RAPGEF2: variants seen among roughly 807,000 people sequenced by gnomAD.
RAPGEF2 encodes the protein Rap guanine nucleotide exchange factor 2, also known as PDZ domain containing guanine nucleotide exchange factor (GEF) 1.
RAPGEF2 carries 54 observed loss-of-function variants against 186.7 expected under a neutral mutation model. The ratio of observed to expected loss-of-function variants is 0.29; its 90% CI spans 0.23 to 0.36. RAPGEF2 has a LOEUF of 0.36. Among genes scored for constraint, RAPGEF2 ranks in the 10% least tolerant of loss-of-function variants. The probability of loss-of-function intolerance (pLI) is 1.00; values close to 1 mark genes in which losing one functional copy is unlikely to be tolerated. For missense variants in RAPGEF2, 1,532 were observed against 2,045.0 expected (o/e 0.75, Z 4.84); for synonymous variants, 712 against 705.9 (o/e 1.01, Z -0.14).
In RAPGEF2 at chr4:159,353,858, C is replaced by T. The variant is rs751133937; in HGVS notation, c.4463C>T (p.Ala1488Val). 19 of 1,614,028 alleles carry T rather than the reference C, an allele frequency of 1.2e-5. No individual in the cohort carries two copies. The African/African-American group carries it at 1.7e-4, about 15-fold the overall frequency. ...LEQAQSRASW[A>V]SSTGYWGEDS... ...CAAGCCCAGTCCCGAGCAAGCTGGG[C>T]GTCTTCCACAGGTTACTGGGGAGAA... Residue 1488 changes from alanine to valine, a missense_variant, in exon 28 of 30, where the codon GCG (alanine) becomes GTG (valine). By Grantham distance (64) the Ala-to-Val change is moderately conservative (BLOSUM62 0). Around this residue, in one of 4 missense-constraint regions of RAPGEF2, gnomAD observed 594 missense variants for 608.5 expected, o/e 0.98. Coordinates refer to ENST00000691494, the MANE Select transcript of RAPGEF2 (RefSeq NM_001394067.2). The surrounding 1 kb of genome is among the most constrained non-coding windows in gnomAD (Gnocchi z 4.3).
At chr4:159,211,428 AC>A (rs139078381) in intron 4 of RAPGEF2, among the ~76,000 whole-genome samples, 7,733 of 152,302 alleles carry the variant, frequency 0.051, 664 homozygotes, top group African/African-American at 0.18. Context: ...ATTTTAAATT[AC>A]TAAATAAATA....
intron 1 of RAPGEF2, among the ~76,000 whole-genome samples, chr4:159,179,694 G>A (rs890053015): frequency 4.6e-5 from 7 of 152,294 alleles, no homozygotes; most frequent in African/African-American, 1.7e-4. Flanking sequence ...TGTGTGAGAA[G>A]TGAAGGAGGA....
intron 1 of RAPGEF2, among the ~76,000 whole-genome samples, chr4:159,161,847 G>A (rs928139355): frequency 6.6e-6 from 1 of 152,212 alleles, no homozygotes; most frequent in Non-Finnish European, 1.5e-5. Flanking sequence ...ACCAAGGATG[G>A]TGATACCTTT....
chr4:159,301,257 T>A (rs1265808064), intron 7 of RAPGEF2, among the ~76,000 whole-genome samples: 1 of 151,914 alleles, frequency 6.6e-6, no homozygotes, highest in Non-Finnish European at 1.5e-5. Context: ...TAATCCCAGC[T>A]CTTTGGGAGG....
chr4:159,252,734 A>G (rs1755612574), intron 7 of RAPGEF2, among the ~76,000 whole-genome samples: 1 of 152,244 alleles, frequency 6.6e-6, no homozygotes, highest in African/African-American at 2.4e-5. Context: ...ATTCTTTCAC[A>G]TCAGCTAAGA....
chr4:159,326,098 CT>C (rs1298453293), intron 11 of RAPGEF2, among the ~76,000 whole-genome samples: 2 of 152,164 alleles, frequency 1.3e-5, no homozygotes, highest in Non-Finnish European at 2.9e-5. Flanking sequence ...CTTCCATTGA[CT>C]CATCTGCTTA....
At chr4:159,182,730 T>A (rs1376589943) in intron 1 of RAPGEF2, among the ~76,000 whole-genome samples, 1 of 152,178 alleles carries the variant, frequency 6.6e-6, no homozygotes, top group African/African-American at 2.4e-5. Context: ...TAATTCCTTA[T>A]CTAGTTATTC....
At chr4:159,109,132 A>G (rs1485233855) in intron 1 of RAPGEF2, among the ~76,000 whole-genome samples, 1 of 152,104 alleles carries the variant, frequency 6.6e-6, no homozygotes, top group African/African-American at 2.4e-5. Flanking sequence ...AAAAACTCTG[A>G]TTTTGCTTGA....
At chr4:159,250,922 G>A (rs1199370478) in intron 7 of RAPGEF2, among the ~76,000 whole-genome samples, 2 of 152,194 alleles carry the variant, frequency 1.3e-5, no homozygotes, top group Non-Finnish European at 2.9e-5. Flanking sequence ...GAGGTGTGGA[G>A]GGAGATGCGC....
chr4:159,141,481 G>GTGAAT (rs1217884134), intron 1 of RAPGEF2, among the ~76,000 whole-genome samples: 3 of 152,080 alleles, frequency 2.0e-5, no homozygotes, highest in Admixed American at 6.6e-5. Context: ...TAGTGCTGTG[G>GTGAAT]TGAATATCAT....
At chr4:159,236,541 G>A (rs1287900532) in intron 4 of RAPGEF2, among the ~76,000 whole-genome samples, 4 of 152,108 alleles carry the variant, frequency 2.6e-5, no homozygotes, top group African/African-American at 7.2e-5. Context: ...TTTGTATCAA[G>A]TATTATATGA....
At chr4:159,318,057 T>A (rs991321266) in intron 9 of RAPGEF2, among the ~76,000 whole-genome samples, 4 of 145,436 alleles carry the variant, frequency 2.8e-5, no homozygotes, top group Admixed American at 6.9e-5. Context: ...AAGCCATCTT[T>A]AAAAAAAAAA....
chr4:159,336,180 T>A (rs1213961517), intron 17 of RAPGEF2, among the ~76,000 whole-genome samples: 49 of 151,998 alleles, frequency 3.2e-4, no homozygotes, highest in Non-Finnish European at 4.4e-5. Flanking sequence ...AATTTTTATT[T>A]CAGTAGCTTT....
chr4:159,119,840 A>G (rs1014300741), intron 1 of RAPGEF2, among the ~76,000 whole-genome samples: 1 of 152,210 alleles, frequency 6.6e-6, no homozygotes. Context: ...GGCATATGAT[A>G]TTTTCTAAAT....
Position 159,112,350 on chromosome 4 carries a change from A to G in RAPGEF2, c.69+8119A>G, listed in dbSNP as rs1579211756. Among the ~76,000 whole-genome samples the G allele has an allele frequency of 2.6e-5, 4 of 152,206 alleles. No individual in the cohort carries two copies. The South Asian group carries it at 8.3e-4, about 32-fold the overall frequency. On this transcript the variant is annotated intron_variant, in intron 1 of 29. Transcript: ENST00000691494. Reference sequence around the variant, plus strand: ...GTTGTGATAGCATACCACATTTGGGAGATTTTGATATATGTATTTCCTTTT... The same window carrying G: ...GTTGTGATAGCATACCACATTTGGGGGATTTTGATATATGTATTTCCTTTT...
At chr4:159,296,049 T>TA (rs144706120) in intron 7 of RAPGEF2, among the ~76,000 whole-genome samples, 14,131 of 152,184 alleles carry the variant, frequency 0.093, 2,175 homozygotes, top group African/African-American at 0.32. Context: ...TACATAGATT[T>TA]AATAACGAGG....
chr4:159,122,922 G>A (rs978143195), intron 1 of RAPGEF2, among the ~76,000 whole-genome samples: 6 of 152,184 alleles, frequency 3.9e-5, no homozygotes, highest in Admixed American at 2.0e-4. Context: ...TGCAACTGCA[G>A]TTACCCAAAA....
intron 7 of RAPGEF2, among the ~76,000 whole-genome samples, chr4:159,299,960 G>A (rs1019085365): frequency 2.0e-5 from 3 of 151,590 alleles, no homozygotes; most frequent in Non-Finnish European, 4.4e-5. Context: ...CTTATATAAA[G>A]TATTACTTCC....
intron 1 of RAPGEF2, among the ~76,000 whole-genome samples, chr4:159,131,097 T>A (rs866718579): frequency 6.8e-6 from 1 of 148,116 alleles, no homozygotes; most frequent in African/African-American, 2.5e-5. Flanking sequence ...TGTGTGTGTG[T>A]GAGAGAGAGA....
Sources: gnomAD v4.1 joint callset for allele counts (sites outside exome capture counted in the v4.1 genomes callset) on GRCh38, gnomAD v4.1.1 for gene constraint, gnomAD v4.1.1 regional missense constraint, Gnocchi (gnomAD v3.1) non-coding constraint, MANE v1.5 for transcripts, NCBI Gene and HGNC (gene_info 2026-07-23, HGNC 2026-07-21) for gene names.